KIAA1217: variants seen among roughly 807,000 people sequenced by gnomAD.
KIAA1217 encodes KIAA1217.
KIAA1217 carries 88 observed loss-of-function variants against 163.9 expected under a neutral mutation model. The observed-to-expected ratio is 0.54, with a 90% CI of 0.45 to 0.64. The LOEUF (loss-of-function observed/expected upper bound fraction) is 0.64. KIAA1217 is among the 30% of genes least tolerant of loss of function. KIAA1217 has a pLI of 0.00. For missense variants in KIAA1217, 2,372 were observed against 2,475.0 expected, an observed-to-expected ratio of 0.96 and a Z score of 0.88; for synonymous variants, 903 against 923.1, an observed-to-expected ratio of 0.98 and a Z score of 0.39.
At chr10:24,176,852 GGTCCCGAGCC>G (rs2065916203) in intron 2 of KIAA1217, among the ~76,000 whole-genome samples, 1 of 152,034 alleles carries the variant, frequency 6.6e-6, no homozygotes, top group Non-Finnish European at 1.5e-5. Flanking sequence ...GCGAGCTGCA[GGTCCCGAGCC>G]CTGCCCCACG....
At chr10:24,163,800 A>G (rs893269394) in intron 2 of KIAA1217, among the ~76,000 whole-genome samples, 1 of 152,152 alleles carries the variant, frequency 6.6e-6, no homozygotes, top group African/African-American at 2.4e-5. Flanking sequence ...TAGCCTTCTA[A>G]TAAAGACACT....
chr10:24,272,502 C>T (rs2076870450), intron 2 of KIAA1217, among the ~76,000 whole-genome samples: 1 of 152,182 alleles, frequency 6.6e-6, no homozygotes, highest in South Asian at 2.1e-4. Context: ...CTCTAGGGAG[C>T]TCTGCATTCA....
intron 1 of KIAA1217, among the ~76,000 whole-genome samples, chr10:23,922,911 T>C (rs1212819502): frequency 6.6e-6 from 1 of 151,906 alleles, no homozygotes; most frequent in Non-Finnish European, 1.5e-5. Flanking sequence ...CAAAACCTAG[T>C]TTTGATGCAT....
chr10:24,161,995 C>T (rs1482716336), intron 2 of KIAA1217, among the ~76,000 whole-genome samples: 1 of 152,152 alleles, frequency 6.6e-6, no homozygotes, highest in Non-Finnish European at 1.5e-5. Flanking sequence ...TGCAGTCTAG[C>T]AGAAAAACAA....
chr10:23,957,678 G>A (rs370157525), intron 1 of KIAA1217, among the ~76,000 whole-genome samples: 111 of 152,086 alleles, frequency 7.3e-4, no homozygotes, highest in African/African-American at 2.6e-3. Context: ...GCCGAGATCG[G>A]GCCACTGCAC....
chr10:23,867,969 A>G (rs907487462), intron 1 of KIAA1217, among the ~76,000 whole-genome samples: 3 of 151,886 alleles, frequency 2.0e-5, no homozygotes, highest in Admixed American at 6.6e-5. Context: ...TTCTTCTAGG[A>G]TTTTTATGGT....
chr10:24,316,546 CT>C (rs1253980274), intron 2 of KIAA1217, among the ~76,000 whole-genome samples: 1 of 152,110 alleles, frequency 6.6e-6, no homozygotes, highest in African/African-American at 2.4e-5. Context: ...ATGTCCACCC[CT>C]AGTGGACTCG....
chr10:23,843,317 G>T (rs1046662493), intron 1 of KIAA1217, among the ~76,000 whole-genome samples: 1 of 152,034 alleles, frequency 6.6e-6, no homozygotes, highest in Non-Finnish European at 1.5e-5. Flanking sequence ...CCCCAAAGTG[G>T]GTTCTACAAA....
At chr10:24,489,240 C>CA (rs899981242) in intron 6 of KIAA1217, among the ~76,000 whole-genome samples, 126 of 133,662 alleles carry the variant, frequency 9.4e-4, no homozygotes, top group Middle Eastern at 3.9e-3. Context: ...GACCTTGTCT[C>CA]AAAAAAAAAA....
chr10:23,880,485 G>A (rs959012436), intron 1 of KIAA1217, among the ~76,000 whole-genome samples: 10 of 151,752 alleles, frequency 6.6e-5, no homozygotes, highest in Admixed American at 4.6e-4. Flanking sequence ...AGTGGGAGAT[G>A]GTTAATGGGT....
intron 2 of KIAA1217, among the ~76,000 whole-genome samples, chr10:24,175,078 T>C (rs137988031): frequency 7.2e-5 from 11 of 152,024 alleles, no homozygotes; most frequent in African/African-American, 2.4e-4. Flanking sequence ...GCCAGCGTGG[T>C]CTCAAACTCC....
At chr10:23,922,959 T>G (rs1469737176) in intron 1 of KIAA1217, among the ~76,000 whole-genome samples, 7 of 152,184 alleles carry the variant, frequency 4.6e-5, no homozygotes, top group African/African-American at 1.7e-4. Context: ...TATTTTATTT[T>G]AATAGTTTTG....
At chr10:23,715,632 T>G (rs940113767) in intron 1 of KIAA1217, among the ~76,000 whole-genome samples, 2 of 152,194 alleles carry the variant, frequency 1.3e-5, no homozygotes, top group Non-Finnish European at 2.9e-5. Context: ...AGATTTAAAA[T>G]GAGCATGAAG....
chr10:23,816,556 C>G (rs1293331151), intron 1 of KIAA1217, among the ~76,000 whole-genome samples: 3 of 152,086 alleles, frequency 2.0e-5, no homozygotes, highest in Admixed American at 1.3e-4. Context: ...AATCCTAGCA[C>G]TTTGGGAGGC....
intron 2 of KIAA1217, among the ~76,000 whole-genome samples, chr10:24,378,359 A>G (rs2052805858): frequency 6.6e-6 from 1 of 152,230 alleles, no homozygotes; most frequent in Non-Finnish European, 1.5e-5. Context: ...GGGAGTGGGT[A>G]GCCCTGTACT....
At position 24,545,852 on chromosome 10, in the gene KIAA1217, G is replaced by T. The variant is rs1200004757; in HGVS notation, c.5360G>T (p.Gly1787Val). 1 of 1,603,496 alleles carries T rather than the reference G, an allele frequency of 6.2e-7. No individual in the cohort carries two copies. Among genetic ancestry groups the T allele is most frequent in the Admixed American group, 1.7e-5 (1 of 58,048 alleles). ...GCTAATGGAAGTGCTAAGAAATCTG[G>T]TGGGGACTTTAAGCCTACTTCCCCC... ...RQANGSAKKS[G>V]GDFKPTSPSL... The change falls in exon 21 of 21, where the codon GGT becomes GTT. Residue 1787 changes from glycine to valine, a missense_variant. By Grantham distance (109) the Gly-to-Val change is moderately radical. Coordinates refer to ENST00000376454, the MANE Select transcript of KIAA1217 (RefSeq NM_019590.5).
At chr10:24,221,251 A>G (rs1184842846) in intron 2 of KIAA1217, among the ~76,000 whole-genome samples, 1 of 150,996 alleles carries the variant, frequency 6.6e-6, no homozygotes, top group Non-Finnish European at 1.5e-5. Flanking sequence ...TTGGGGTCAC[A>G]GGAGATTTGA....
Position 23,704,190 on chromosome 10 carries a change from A to G in KIAA1217, c.-321+8956A>G, listed in dbSNP as rs1421824298. Among the ~76,000 whole-genome samples the G allele has an allele frequency of 1.9e-3, 232 of 120,758 alleles. 3 individuals are homozygous for G. Among genetic ancestry groups the G allele is most frequent in the African/African-American group, 6.8e-3 (204 of 29,902 alleles). The allele number at this position is 120,758 out of a possible 152,430, so 79.2% of individuals were successfully genotyped here. On this transcript the variant is annotated intron_variant, in intron 1 of 18. Coordinates refer to the KIAA1217 transcript ENST00000376462. ...TGTGTGTGTATATATATATATATAT[A>G]TATATATATATATATATATATAGTG...
intron 1 of KIAA1217, among the ~76,000 whole-genome samples, chr10:23,704,685 C>A (rs1202698757): frequency 1.3e-5 from 2 of 152,076 alleles, no homozygotes; most frequent in African/African-American, 2.4e-5. Context: ...GGATATACCA[C>A]ATTTTATTGT....
Sources: allele counts gnomAD v4.1 joint callset (sites outside exome capture counted in the v4.1 genomes callset), GRCh38; gene constraint gnomAD v4.1.1; transcripts MANE v1.5; gene names NCBI Gene and HGNC (gene_info 2026-07-23, HGNC 2026-07-21).